The following KDM3A variants were observed in gnomAD, a reference collection of about 807,000 sequenced individuals.
KDM3A encodes lysine-specific demethylase 3A.
A neutral mutation model predicts 158.0 loss-of-function variants in KDM3A; 60 were observed. The ratio of observed to expected loss-of-function variants is 0.38; its 90% confidence interval spans 0.31 to 0.47. KDM3A has a LOEUF of 0.47. Ranked by LOEUF, KDM3A falls within the 20% of genes least tolerant of loss-of-function variation. The pLI is 0.99. For synonymous variants in KDM3A, 608 were observed against 549.3 expected (o/e 1.11, Z -1.49); for missense variants, 1,319 against 1,574.3 (o/e 0.84, Z 2.74).
intron 8 of KDM3A, chr2:86,460,851 C>T (rs989005624): frequency 2.7e-5 from 4 of 150,794 alleles, no homozygotes; most frequent in African/African-American, 7.4e-5. Context: ...AACTTTGACC[C>T]TTTGTTGAGT....
Position 86,451,189 on chromosome 2 carries a change from T to G in KDM3A, c.429T>G (p.Ser143=). The part of the protein sequence containing the change: ...FLGDQQRVFL[S]KDLLKPIQDV... ...GAGATCAACAAAGAGTATTTCTTTC[T>G]AAAGACCTTTTGAAGCCTATACAGG... The change falls in exon 4 of 26, where the codon TCT becomes TCG. Residue 143 remains serine (S), a synonymous_variant. Transcript: ENST00000312912. The G allele has an allele frequency of 6.2e-7, 1 of 1,608,612 alleles. No individual in the cohort carries two copies. The highest frequency in any genetic ancestry group is 8.5e-7 in the Non-Finnish European group (1 of 1,177,510).
chr2:86,460,512 G>A (rs1672881978), intron 8 of KDM3A, among the ~76,000 whole-genome samples: 1 of 152,154 alleles, frequency 6.6e-6, no homozygotes, highest in Admixed American at 6.6e-5. Flanking sequence ...TGTTGGACTG[G>A]CACTTTTAGG....
At chr2:86,477,781 T>C (rs1403437208) in intron 12 of KDM3A, 96 bp from the exon 13 acceptor site, 1 of 1,161,990 alleles carries the variant, frequency 8.6e-7, no homozygotes, top group African/African-American at 1.5e-5. Context: ...ATTTGAAGTC[T>C]AGTCACAGGG....
chr2:86,447,798 C>A (rs1395551260), intron 2 of KDM3A, among the ~76,000 whole-genome samples: 2 of 152,134 alleles, frequency 1.3e-5, no homozygotes. Flanking sequence ...TTCAGTGTAG[C>A]TGGGAATTCA....
chr2:86,468,181 TG>T (rs1213424704), intron 10 of KDM3A, among the ~76,000 whole-genome samples: 1 of 152,234 alleles, frequency 6.6e-6, no homozygotes, highest in Admixed American at 6.5e-5. Flanking sequence ...AGTATAGCAT[TG>T]GAAGAATAGA....
At chr2:86,441,708 G>A (rs1321092915) in intron 1 of KDM3A, among the ~76,000 whole-genome samples, 2 of 151,094 alleles carry the variant, frequency 1.3e-5, no homozygotes, top group East Asian at 3.9e-4. Context: ...TCTTTTCGGG[G>A]CTGGGGGCTG....
At chr2:86,439,615 T>G (rs1265733486), upstream of KDM3A, among the ~76,000 whole-genome samples, 2 of 152,124 alleles carry the variant, frequency 1.3e-5, no homozygotes, top group African/African-American at 4.8e-5. Flanking sequence ...ATCTAAGTTC[T>G]CCATATCTTC....
intron 9 of KDM3A, 124 bp downstream of exon 9, chr2:86,464,340 A>G (rs1201805162): frequency 3.2e-6 from 2 of 633,310 alleles, no homozygotes; most frequent in African/African-American, 3.7e-5. Flanking sequence ...GAAAAGATGG[A>G]TAGATGCTTT....
upstream of KDM3A, among the ~76,000 whole-genome samples, chr2:86,438,210 G>T (rs995921671): frequency 2.0e-5 from 3 of 152,086 alleles, no homozygotes; most frequent in Non-Finnish European, 4.4e-5. Context: ...AATTTTTGGT[G>T]TATCTATTGA....
Position 86,470,241 on chromosome 2 carries a change from A to G in KDM3A, c.1557A>G (p.Lys519=). 6.2e-7 allele frequency: 1 copy of G among 1,614,118 alleles called. No homozygotes were observed. The highest frequency in any genetic ancestry group is 8.5e-7 in the Non-Finnish European group (1 of 1,180,004). The part of the protein sequence containing the change: ...SRKSVLTDPA[K]LKKLQQSGEA... ...AGTCGGTTTTGACAGACCCAGCTAA[A>G]CTCAAAAAGCTGCAACAGAGTGGCG... is the stretch of plus-strand genomic sequence containing the variant. The change falls in exon 11 of 26, where the codon AAA becomes AAG. Residue 519 remains lysine, a synonymous_variant. Coordinates refer to ENST00000312912, the MANE Select transcript of KDM3A (RefSeq NM_018433.6).
intron 8 of KDM3A, among the ~76,000 whole-genome samples, chr2:86,463,067 G>A (rs80352436): frequency 0.03 from 4,559 of 152,216 alleles, 83 homozygotes; most frequent in Middle Eastern, 0.058. Flanking sequence ...CTCTAGCCTG[G>A]GTGATAATAG....
Position 86,482,672 on chromosome 2 carries a change from G to C in KDM3A, c.2900G>C (p.Arg967Thr). The C allele has an allele frequency of 6.2e-7, 1 of 1,613,966 alleles. No homozygotes were observed. The highest frequency in any genetic ancestry group is 8.5e-7 in the Non-Finnish European group (1 of 1,179,996). ...AATAAGAGCAACTGGAATGTGTTTAGGGAGTGCTGGAAACAAGGGCAGGTA... is the reference window on the plus strand; with the variant it reads ...AATAAGAGCAACTGGAATGTGTTTACGGAGTGCTGGAAACAAGGGCAGGTA... ...PNNKSNWNVF[R>T]ECWKQGQPVM... is the part of the protein sequence containing the mutation. Residue 967 changes from arginine (R) to threonine (T), a missense_variant, in exon 18 of 26, where the codon AGG (arginine) becomes ACG (threonine). Around this residue, in one of 4 missense-constraint regions of KDM3A, gnomAD observed 368 missense variants for 415.8 expected, o/e 0.89. Coordinates refer to ENST00000312912, the MANE Select transcript of KDM3A (RefSeq NM_018433.6).
At position 86,478,834 on chromosome 2, in the gene KDM3A, C is replaced by T. The variant is rs1673788795; in HGVS notation, c.2316+99C>T. On this transcript the variant is annotated intron_variant, in intron 15 of 25. Coordinates refer to ENST00000312912, the MANE Select transcript of KDM3A (RefSeq NM_018433.6). ...TTCTATCAGTGCATTTGAAAGGAAC[C>T]TGGGGATAGCTATCAAGTGGAAAGA... is the stretch of plus-strand genomic sequence containing the variant. The T allele has an allele frequency of 2.7e-6, 3 of 1,093,922 alleles. No individual in the cohort carries two copies. The South Asian group carries it at 4.4e-5, about 16-fold the overall frequency. 67.8% of individuals were successfully genotyped at this position (1,093,922 alleles called of 1,614,324 possible). A position where few individuals can be genotyped will look rare whatever the true frequency, so the allele number is the denominator to read the frequency against.
Position 86,478,640 on chromosome 2 carries a change from G to C in KDM3A, c.2221G>C (p.Val741Leu), listed in dbSNP as rs763369390. Reference sequence around the variant, plus strand: ...TGATGTTGGAGACATTGTTCATTCTGTAAGAGCGAAATGGGGAATAAAGGC... The same window carrying C: ...TGATGTTGGAGACATTGTTCATTCTCTAAGAGCGAAATGGGGAATAAAGGC... ...LYDVGDIVHS[V>L]RAKWGIKANC... is the part of the protein sequence containing the mutation. The change falls in exon 15 of 26, where the codon GTA becomes CTA. Residue 741 changes from valine (V) to leucine (L), a missense_variant. Physicochemically the swap from Val to Leu is conservative, Grantham distance 32. This residue lies in a region of KDM3A where 368 missense variants were observed against 415.8 expected (regional missense o/e 0.89). Transcript: ENST00000312912. 20 of 1,613,890 alleles carry C rather than the reference G, an allele frequency of 1.2e-5. No individual in the cohort carries two copies. The highest frequency in any genetic ancestry group is 1.2e-4 in the Admixed American group (7 of 59,998).
chr2:86,447,456 C>CTT (rs150625957), intron 2 of KDM3A, among the ~76,000 whole-genome samples: 64 of 134,636 alleles, frequency 4.8e-4, no homozygotes, highest in Middle Eastern at 8.1e-3. Context: ...TAATTCTGCA[C>CTT]TTTTTTTTTT....
At chr2:86,447,443 T>G (rs1204539030) in intron 2 of KDM3A, among the ~76,000 whole-genome samples, 1 of 149,388 alleles carries the variant, frequency 6.7e-6, no homozygotes, top group Non-Finnish European at 1.5e-5. Context: ...TCTTAATCCT[T>G]CTTAATTCTG....
chr2:86,470,267 A>C lies in KDM3A; in HGVS notation c.1583A>C (p.Glu528Ala). The C allele has an allele frequency of 6.2e-7, 1 of 1,614,138 alleles. No homozygotes were observed. ...CTCAAAAAGCTGCAACAGAGTGGCG[A>C]GGCCTTCGTACAGGATGATTCTTGT... Reference protein sequence around the residue: ...AKLKKLQQSGEAFVQDDSCVN... With the variant: ...AKLKKLQQSGAAFVQDDSCVN... The change falls in exon 11 of 26, where the codon GAG becomes GCG. Residue 528 changes from glutamate to alanine, a missense_variant. Physicochemically the swap from Glu to Ala is moderately radical, Grantham distance 107. Coordinates refer to ENST00000312912, the MANE Select transcript of KDM3A (RefSeq NM_018433.6).
At chr2:86,461,119 A>T (rs1400832876) in intron 8 of KDM3A, among the ~76,000 whole-genome samples, 1 of 152,192 alleles carries the variant, frequency 6.6e-6, no homozygotes, top group African/African-American at 2.4e-5. Context: ...CCTGTAAAGT[A>T]TACTTCATGG....
intron 15 of KDM3A, chr2:86,479,676 T>C (rs955851839): frequency 1.3e-5 from 2 of 152,756 alleles, no homozygotes; most frequent in Non-Finnish European, 1.5e-5. Flanking sequence ...AGATTTAATT[T>C]ATGGGTTCTT....
Sources: gnomAD v4.1 joint callset for allele counts (sites outside exome capture counted in the v4.1 genomes callset) on GRCh38, gnomAD v4.1.1 for gene constraint, gnomAD v4.1.1 regional missense constraint, MANE v1.5 for transcripts, NCBI Gene and HGNC (gene_info 2026-07-23, HGNC 2026-07-21) for gene names.